PACS1: variants seen among roughly 807,000 people sequenced by gnomAD.
PACS1 encodes the protein phosphofurin acidic cluster sorting protein 1.
Under a neutral mutation model 115.0 loss-of-function variants are expected in PACS1, and 24 were observed. The observed-to-expected ratio is 0.21, with a 90% confidence interval of 0.15 to 0.29. The LOEUF (loss-of-function observed/expected upper bound fraction) is 0.29, where lower values mean the gene tolerates loss of function less well. Ranked by LOEUF, PACS1 falls within the 10% of genes least tolerant of loss-of-function variation. The pLI is 1.00. For missense variants in PACS1, 838 were observed against 1,251.2 expected, an observed-to-expected ratio of 0.67 and a Z score of 4.98; for synonymous variants, 453 against 504.5, an observed-to-expected ratio of 0.90 and a Z score of 1.37.
Position 66,070,613 on chromosome 11 carries a change from C to T in PACS1, c.127C>T (p.Gln43Ter). 6.5e-7 allele frequency: 1 copy of T among 1,533,468 alleles called. No homozygotes were observed. The highest frequency in any genetic ancestry group is 8.7e-7 in the Non-Finnish European group (1 of 1,148,974). The allele number at this position is 1,533,468 out of a possible 1,614,324, so 95.0% of individuals were successfully genotyped here. Reference protein sequence around the residue: ...PPQQQQQQPPQQPTPPKLAQA... With the variant: ...PPQQQQQQPP ...GCAGCAGCAGCAGCAGCAGCCGCCG[C>T]AGCAGCCGACGCCCCCCAAGCTGGC... Residue 43 changes from glutamine to a stop codon, truncating the protein, a stop_gained, in exon 1 of 24, where the codon CAG (glutamine) becomes TAG (stop). Transcript: ENST00000320580. LOFTEE classifies it high-confidence loss of function. The surrounding 1 kb of genome is among the most constrained non-coding windows in gnomAD (Gnocchi z 5.9).
chr11:66,092,579 A>C (rs1354855259), intron 1 of PACS1, among the ~76,000 whole-genome samples: 3 of 151,988 alleles, frequency 2.0e-5, no homozygotes, highest in African/African-American at 7.3e-5. Context: ...TTGGTGTTTT[A>C]GACATGAAGT....
Position 66,234,157 on chromosome 11 carries a change from G to A in PACS1, c.2019G>A (p.Leu673=). 6.2e-7 allele frequency: 1 copy of A among 1,613,854 alleles called. No homozygotes were observed. The highest frequency in any genetic ancestry group is 8.5e-7 in the Non-Finnish European group (1 of 1,179,724). Residue 673 remains leucine, a synonymous_variant, in exon 17 of 24, where the codon TTG becomes TTA. Transcript: ENST00000320580. ...PLGSHPVAKY[L]GSVDSKYSSS... ...GTTCTCACCCTGTGGCCAAATACTTGGGGTCAGTCGACAGTAAATACAGTA... is the reference window on the plus strand; with the variant it reads ...GTTCTCACCCTGTGGCCAAATACTTAGGGTCAGTCGACAGTAAATACAGTA...
In PACS1 at chr11:66,076,474, C is replaced by G. The variant is rs144101665; in HGVS notation, c.356+5632C>G. Reference sequence around the variant, plus strand: ...GGAGTGCAATGGTGCGATCTCGGCTCACTGCAACCTCCGCCTCCCAGGATT... The same window carrying G: ...GGAGTGCAATGGTGCGATCTCGGCTGACTGCAACCTCCGCCTCCCAGGATT... On this transcript the variant is annotated intron_variant, in intron 1 of 23. Coordinates refer to ENST00000320580, the MANE Select transcript of PACS1 (RefSeq NM_018026.4). 5.7e-3 allele frequency among the ~76,000 whole-genome samples: 871 copies of G among 151,940 alleles called. 1 individual carries two copies. The highest frequency in any genetic ancestry group is 0.01 in the Middle Eastern group (3 of 294).
chr11:66,218,639 A>G (rs1365466018), intron 7 of PACS1: 1 of 152,464 alleles, frequency 6.6e-6, no homozygotes. Flanking sequence ...AGGCAGGCGC[A>G]TCACAAGGTC....
At chr11:66,141,346 C>T (rs895739735) in intron 1 of PACS1, among the ~76,000 whole-genome samples, 1 of 152,006 alleles carries the variant, frequency 6.6e-6, no homozygotes, top group African/African-American at 2.4e-5. Flanking sequence ...GGCTAGAGTG[C>T]AGTGGTGCAA....
Position 66,241,661 on chromosome 11 carries a change from C to A in PACS1, c.2656+8C>A. 6.2e-7 allele frequency: 1 copy of A among 1,604,502 alleles called. No individual in the cohort carries two copies. Among genetic ancestry groups the A allele is most frequent in the Non-Finnish European group, 8.5e-7 (1 of 1,172,004 alleles). On this transcript the variant is annotated splice_region_variant and intron_variant, in intron 22 of 23. Transcript: ENST00000320580. ...AAGAAAAGAACAAGAAAGGTAAGTACCCCCAAGGCCGGGGAAGACCATGGG... is the reference window on the plus strand; with the variant it reads ...AAGAAAAGAACAAGAAAGGTAAGTAACCCCAAGGCCGGGGAAGACCATGGG...
chr11:66,157,485 T>C (rs1365652685), intron 1 of PACS1, among the ~76,000 whole-genome samples: 1 of 147,222 alleles, frequency 6.8e-6, no homozygotes, highest in Non-Finnish European at 1.5e-5. Flanking sequence ...ACACTGGGGC[T>C]GAAAACAGGA....
Position 66,104,415 on chromosome 11 carries a change from C to T in PACS1, c.356+33573C>T, listed in dbSNP as rs118001665. 6.7e-3 allele frequency among the ~76,000 whole-genome samples: 1,017 copies of T among 152,272 alleles called. 6 individuals carry two copies. The highest frequency in any genetic ancestry group is 0.027 in the Middle Eastern group (8 of 294). On this transcript the variant is annotated intron_variant, in intron 1 of 23. Transcript: ENST00000320580. ...ACAAACCATGGTTTGTAGCCCAAAT[C>T]CTGTTCTCAGTCTGTGTTTGTAAAT... is the stretch of plus-strand genomic sequence containing the variant.
intron 10 of PACS1, 148 bp downstream of exon 10, chr11:66,221,395 CCTGG>C: frequency 1.5e-6 from 1 of 681,284 alleles, no homozygotes; most frequent in Non-Finnish European, 2.6e-6. Flanking sequence ...CAACTGTAAT[CCTGG>C]CACTTTGGGA....
chr11:66,086,878 A>G (rs1321417711), intron 1 of PACS1, among the ~76,000 whole-genome samples: 1 of 151,890 alleles, frequency 6.6e-6, no homozygotes, highest in African/African-American at 2.4e-5. Context: ...CTGCCTCCCA[A>G]AGTGCTGGGA....
intron 20 of PACS1, 92 bp downstream of exon 20, chr11:66,238,938 G>A: frequency 1.4e-6 from 2 of 1,398,064 alleles, no homozygotes; most frequent in South Asian, 1.2e-5. Flanking sequence ...AGCTCTGGAT[G>A]CCCTGAGGGA....
intron 11 of PACS1, among the ~76,000 whole-genome samples, chr11:66,229,782 AAAAG>A (rs1249852016): frequency 2.6e-5 from 4 of 152,088 alleles, no homozygotes; most frequent in African/African-American, 7.2e-5. Context: ...TCTCTACTAA[AAAAG>A]AAATACAAAA....
At position 66,070,461 on chromosome 11, in the gene PACS1, C is replaced by T. The variant is rs1360922778; in HGVS notation, c.-26C>T. 17 of 1,228,532 alleles carry T rather than the reference C, an allele frequency of 1.4e-5. No homozygotes were observed. The highest frequency in any genetic ancestry group is 1.5e-5 in the Non-Finnish European group (15 of 982,772). The allele number at this position is 1,228,532 out of a possible 1,614,324, so 76.1% of individuals were successfully genotyped here. A position where few individuals can be genotyped will look rare whatever the true frequency, so the allele number is the denominator to read the frequency against. ...GGAGCCAGATCGGCGTCGCCTCGGC[C>T]TCCGTAACCCCCGCCTAGCCGGGCC... On this transcript the variant is annotated 5_prime_UTR_variant, in exon 1 of 24. Transcript: ENST00000320580. This position sits in a 1 kb window ranked among gnomAD's most constrained non-coding sequence, Gnocchi z 5.9.
intron 1 of PACS1, among the ~76,000 whole-genome samples, chr11:66,160,792 G>A (rs1859470645): frequency 6.6e-6 from 1 of 151,816 alleles, no homozygotes; most frequent in Non-Finnish European, 1.5e-5. Context: ...AAAGTGCTGG[G>A]ATTATAGGTG....
chr11:66,234,923 G>C (rs968910537), intron 17 of PACS1, among the ~76,000 whole-genome samples: 2 of 152,130 alleles, frequency 1.3e-5, no homozygotes, highest in African/African-American at 4.8e-5. Context: ...GGATCAGAAA[G>C]AGGTTGAGCT....
At chr11:66,212,852 T>C (rs1855108163) in intron 4 of PACS1, among the ~76,000 whole-genome samples, 1 of 152,082 alleles carries the variant, frequency 6.6e-6, no homozygotes, top group Non-Finnish European at 1.5e-5. Flanking sequence ...TTGGCTTTAT[T>C]TATTTATTTA....
chr11:66,151,416 A>G (rs1335135991), intron 1 of PACS1, among the ~76,000 whole-genome samples: 1 of 152,168 alleles, frequency 6.6e-6, no homozygotes, highest in African/African-American at 2.4e-5. Context: ...CAAAAGTCAC[A>G]GAGTGTGAGC....
chr11:66,225,213 C>T (rs984020165), intron 10 of PACS1, among the ~76,000 whole-genome samples: 16 of 152,162 alleles, frequency 1.1e-4, no homozygotes, highest in African/African-American at 2.2e-4. Flanking sequence ...CTCTCTGACA[C>T]GGGCCTACAC....
chr11:66,122,052 A>C (rs958272241), intron 1 of PACS1, among the ~76,000 whole-genome samples: 1 of 152,192 alleles, frequency 6.6e-6, no homozygotes, highest in Non-Finnish European at 1.5e-5. Flanking sequence ...TCTGGCTTCA[A>C]CATTTCAGAG....
Sources: gnomAD v4.1 joint callset for allele counts (sites outside exome capture counted in the v4.1 genomes callset) on GRCh38, gnomAD v4.1.1 for gene constraint, Gnocchi (gnomAD v3.1) non-coding constraint, MANE v1.5 for transcripts, NCBI Gene and HGNC (gene_info 2026-07-23, HGNC 2026-07-21) for gene names.